The following PCDH11X variants were observed in gnomAD, a reference collection of about 807,000 sequenced individuals.
PCDH11X encodes the protein protocadherin-11 X-linked.
A neutral mutation model predicts 53.3 loss-of-function variants in PCDH11X; 18 were observed. That is an observed-to-expected ratio of 0.34 (90% CI 0.23 to 0.50). The LOEUF (loss-of-function observed/expected upper bound fraction) is 0.50. PCDH11X is among the 20% of genes least tolerant of loss of function. The pLI is 0.98. For missense variants in PCDH11X, 570 were observed against 1,032.4 expected, an observed-to-expected ratio of 0.55 and a Z score of 6.14; for synonymous variants, 279 against 393.3, an observed-to-expected ratio of 0.71 and a Z score of 3.44.
At chrX:92,082,959 A>ATGAAACTGTGAGTCT (rs1209734668) in intron 6 of PCDH11X, among the ~76,000 whole-genome samples, 1 of 111,497 alleles carries the variant, frequency 9.0e-6, no homozygotes, top group Non-Finnish European at 1.9e-5. Flanking sequence ...TATTCAAAAT[A>ATGAAACTGTGAGTCT]TGAAACTGTG....
intron 6 of PCDH11X, among the ~76,000 whole-genome samples, chrX:92,013,864 C>A (rs1165245775): frequency 1.5e-4 from 17 of 111,604 alleles, no homozygotes; most frequent in Non-Finnish European, 1.7e-4. Flanking sequence ...CTTCCTTACA[C>A]CTTATACAAA....
chrX:92,257,040 A>T (rs1012141590), intron 7 of PCDH11X, among the ~76,000 whole-genome samples: 3 of 111,705 alleles, frequency 2.7e-5, no homozygotes, highest in Non-Finnish European at 1.9e-5. Flanking sequence ...GGTTCTGCCA[A>T]TTGTACAGAA....
chrX:92,259,506 A>C (rs1435161529), intron 7 of PCDH11X, among the ~76,000 whole-genome samples: 1 of 110,966 alleles, frequency 9.0e-6, no homozygotes. Context: ...TCTCATGATA[A>C]CTCACTCACT....
chrX:92,405,783 A>T (rs1486495108), intron 9 of PCDH11X, among the ~76,000 whole-genome samples: 3 of 110,241 alleles, frequency 2.7e-5, no homozygotes, highest in Non-Finnish European at 3.8e-5. Context: ...ACCTCTTACA[A>T]CAGATAATTT....
intron 6 of PCDH11X, among the ~76,000 whole-genome samples, chrX:92,170,263 G>A (rs1348462934): frequency 9.1e-6 from 1 of 110,128 alleles, no homozygotes; most frequent in Non-Finnish European, 1.9e-5. Context: ...ATAAATTTAA[G>A]GGAAAATATT....
Position 91,792,017 on chromosome X carries a change from G to A in PCDH11X, c.-379+12333G>A, listed in dbSNP as rs745396717. Among the ~76,000 whole-genome samples, 41 of 109,162 alleles carry A rather than the reference G, an allele frequency of 3.8e-4. No individual in the cohort carries two copies. In the East Asian group the frequency reaches 5.2e-3, roughly 14 times the overall value. The allele number at this position is 109,162 out of a possible 115,157, so 94.8% of individuals were successfully genotyped here. On this transcript the variant is annotated intron_variant, in intron 1 of 10. Transcript: ENST00000682573. ...GCTGGGACTACAGGCGCCCGCCACC[G>A]CGCCTGGCTAACTTTTTGTATTTTT...
intron 10 of PCDH11X, among the ~76,000 whole-genome samples, chrX:92,580,757 G>A (rs767662574): frequency 2.7e-5 from 3 of 111,923 alleles, no homozygotes; most frequent in Non-Finnish European, 3.8e-5. Context: ...GGTAGCCTGG[G>A]CTCATGAAGG....
intron 9 of PCDH11X, among the ~76,000 whole-genome samples, chrX:92,395,176 G>A (rs992657400): frequency 1.8e-5 from 2 of 110,942 alleles, no homozygotes; most frequent in Non-Finnish European, 3.8e-5. Context: ...ATGTTTGTAT[G>A]TTATCTAAAC....
intron 5 of PCDH11X, among the ~76,000 whole-genome samples, chrX:91,875,198 T>G (rs1939529783): frequency 9.1e-6 from 1 of 109,664 alleles, no homozygotes; most frequent in African/African-American, 3.3e-5. Context: ...GGAATCTTCC[T>G]CTCTCATTTC....
At chrX:91,899,079 G>A (rs1940857274) in intron 6 of PCDH11X, among the ~76,000 whole-genome samples, 1 of 111,387 alleles carries the variant, frequency 9.0e-6, no homozygotes, top group Non-Finnish European at 1.9e-5. Flanking sequence ...ATATTACGGG[G>A]AGTTTAATAA....
intron 6 of PCDH11X, among the ~76,000 whole-genome samples, chrX:92,037,201 G>A (rs1244264582): frequency 4.6e-5 from 5 of 109,752 alleles, no homozygotes; most frequent in Admixed American, 9.7e-5. Flanking sequence ...TGATGCTGTC[G>A]CTCCCCTCAC....
At chrX:92,155,775 C>T (rs1160347123) in intron 6 of PCDH11X, among the ~76,000 whole-genome samples, 3 of 109,439 alleles carry the variant, frequency 2.7e-5, no homozygotes, top group East Asian at 5.8e-4. Flanking sequence ...TACAGGGGCC[C>T]GCCACCGCGC....
At chrX:92,536,091 CT>C (rs1569502021) in intron 10 of PCDH11X, among the ~76,000 whole-genome samples, 1 of 107,875 alleles carries the variant, frequency 9.3e-6, no homozygotes, top group African/African-American at 3.4e-5. Flanking sequence ...TTATTCTATT[CT>C]TTTTTCTATT....
At chrX:92,054,749 G>A (rs1306965349) in intron 6 of PCDH11X, among the ~76,000 whole-genome samples, 1 of 105,422 alleles carries the variant, frequency 9.5e-6, no homozygotes, top group Non-Finnish European at 1.9e-5. Context: ...GAACCCGGGA[G>A]GCAGAGGTTG....
rs142367402 is a variant in PCDH11X, at chrX:92,175,830, G to A, written c.3034-25545G>A. Among the ~76,000 whole-genome samples, 129 of 102,178 alleles carry A rather than the reference G, an allele frequency of 1.3e-3. 2 individuals carry two copies. In the South Asian group the frequency reaches 0.017, roughly 14 times the overall value. The allele number at this position is 102,178 out of a possible 115,157, so 88.7% of individuals were successfully genotyped here. ...GAGAGAGAGAGAGACAAAAATATAC[G>A]TGTATTCCTTAGGCGTTCACCCACC... is the stretch of plus-strand genomic sequence containing the variant. On this transcript the variant is annotated intron_variant, in intron 6 of 10. Coordinates refer to ENST00000682573, the MANE Select transcript of PCDH11X (RefSeq NM_032968.5).
At position 92,618,759 on chromosome X, in the gene PCDH11X, G is replaced by A. The variant is rs1928269732; in HGVS notation, c.3863G>A (p.Gly1288Glu). The change falls in exon 11 of 11, where the codon GGG (glycine) becomes GAG (glutamate). Residue 1288 changes from glycine (G) to glutamate (E), a missense_variant. Transcript: ENST00000682573. ...CAAGGTTGGGTGCAAGGTGCTGATG[G>A]GCTATGCTCTGTTGATCAGGGAGTG... is the stretch of plus-strand genomic sequence containing the variant. ...LQQGWVQGAD[G>E]LCSVDQGVQG... 1 of 1,211,760 alleles carries A rather than the reference G, an allele frequency of 8.3e-7. No individual in the cohort carries two copies. Among genetic ancestry groups the A allele is most frequent in the Non-Finnish European group, 1.1e-6 (1 of 895,479 alleles).
intron 6 of PCDH11X, among the ~76,000 whole-genome samples, chrX:92,157,230 G>GT (rs1442535205): frequency 9.0e-6 from 1 of 111,513 alleles, no homozygotes; most frequent in East Asian, 2.8e-4. Context: ...AATTAAAACA[G>GT]TTACCTATTA....
At chrX:92,423,258 C>T (rs1326065219) in intron 9 of PCDH11X, among the ~76,000 whole-genome samples, 1 of 97,719 alleles carries the variant, frequency 1.0e-5, no homozygotes, top group Non-Finnish European at 2.3e-5. Context: ...TCATGTTTGT[C>T]GGCCATTTGT....
intron 6 of PCDH11X, among the ~76,000 whole-genome samples, chrX:92,154,395 T>A (rs1460167785): frequency 1.8e-5 from 2 of 109,394 alleles, no homozygotes; most frequent in African/African-American, 6.9e-5. Flanking sequence ...ATTTTGTCAG[T>A]TTTTCTGGGA....
Sources: gnomAD v4.1 joint callset for allele counts (sites outside exome capture counted in the v4.1 genomes callset) on GRCh38, gnomAD v4.1.1 for gene constraint, MANE v1.5 for transcripts, NCBI Gene and HGNC (gene_info 2026-07-23, HGNC 2026-07-21) for gene names.